TRDN: variants seen among roughly 807,000 people sequenced by gnomAD.
The protein encoded by TRDN is triadin in skeletal muscle.
TRDN carries 161 observed loss-of-function variants against 149.7 expected under a neutral mutation model. The observed-to-expected ratio is 1.08, with a 90% CI of 0.95 to 1.23. The LOEUF is 1.23. Ranked by LOEUF, TRDN falls within the 50% of genes most tolerant of loss-of-function variation. The pLI is 0.00. For synonymous variants in TRDN, 294 were observed against 250.5 expected (o/e 1.17, Z -1.64); for missense variants, 896 against 823.5 (o/e 1.09, Z -1.08).
chr6:123,253,949 AACCAT>A (rs1193966185), intron 37 of TRDN, among the ~76,000 whole-genome samples: 1 of 152,112 alleles, frequency 6.6e-6, no homozygotes, highest in African/African-American at 2.4e-5. Context: ...AGATGGCCTT[AACCAT>A]TATAGTGTTT....
In TRDN at chr6:123,377,778, C is replaced by G. The variant is rs1457307349; in HGVS notation, c.1220-36G>C. 4 of 1,612,038 alleles carry G rather than the reference C, an allele frequency of 2.5e-6. No individual in the cohort carries two copies. In the South Asian group the frequency reaches 4.4e-5, roughly 18 times the overall value. ...AAGGAAAGAAAAAAAAATCAGCATT[C>G]TATGTCATTCAATTGTAATTCAGTA... On this transcript the variant is annotated intron_variant, in intron 17 of 40. Transcript: ENST00000334268.
chr6:123,589,793 G>A (rs1018740585), intron 1 of TRDN, among the ~76,000 whole-genome samples: 3 of 152,112 alleles, frequency 2.0e-5, no homozygotes, highest in Non-Finnish European at 2.9e-5. Flanking sequence ...TAAAGCTTCT[G>A]CTTAAGACTG....
chr6:123,351,342 T>C, intron 21 of TRDN: 4 of 972,034 alleles, frequency 4.1e-6, no homozygotes, highest in Non-Finnish European at 4.9e-6. Context: ...ATTACCTTTA[T>C]TTTTTAAAAA....
intron 12 of TRDN, among the ~76,000 whole-genome samples, chr6:123,396,106 C>T (rs969527363): frequency 6.6e-6 from 1 of 152,116 alleles, no homozygotes; most frequent in Admixed American, 6.6e-5. Flanking sequence ...GGGGAGGAAT[C>T]GACCCTGAGT....
At chr6:123,494,605 A>G (rs1778354630) in intron 9 of TRDN, among the ~76,000 whole-genome samples, 1 of 152,210 alleles carries the variant, frequency 6.6e-6, no homozygotes, top group South Asian at 2.1e-4. Context: ...ATGCTCATCA[A>G]CAACATAGAT....
intron 24 of TRDN, among the ~76,000 whole-genome samples, chr6:123,314,702 A>G (rs913075914): frequency 6.6e-6 from 1 of 152,030 alleles, no homozygotes; most frequent in Non-Finnish European, 1.5e-5. Flanking sequence ...AGTGACACAG[A>G]TGGAACAAGG....
chr6:123,378,224 A>C (rs1781583834), intron 16 of TRDN, among the ~76,000 whole-genome samples: 1 of 152,200 alleles, frequency 6.6e-6, no homozygotes, highest in African/African-American at 2.4e-5. Flanking sequence ...GATCAATATG[A>C]AATAAATTTG....
At chr6:123,415,614 A>G (rs185461897) in intron 12 of TRDN, among the ~76,000 whole-genome samples, 13 of 152,336 alleles carry the variant, frequency 8.5e-5, no homozygotes, top group African/African-American at 2.6e-4. Flanking sequence ...TACTAGCCAA[A>G]TAATCATAAC....
intron 12 of TRDN, among the ~76,000 whole-genome samples, chr6:123,422,250 C>T (rs1376609989): frequency 1.3e-5 from 2 of 152,050 alleles, no homozygotes; most frequent in African/African-American, 2.4e-5. Flanking sequence ...TTCAGTTCTG[C>T]CCACACATCT....
intron 38 of TRDN, among the ~76,000 whole-genome samples, 176 bp downstream of exon 38, chr6:123,252,235 GT>G (rs893164212): frequency 1.4e-4 from 21 of 148,442 alleles, no homozygotes; most frequent in African/African-American, 2.2e-4. Context: ...AAATAACATA[GT>G]TTTTTTTTTA....
intron 35 of TRDN, among the ~76,000 whole-genome samples, chr6:123,258,772 T>G (rs956031744): frequency 3.9e-5 from 6 of 152,126 alleles, no homozygotes; most frequent in Admixed American, 2.6e-4. Flanking sequence ...GTCCTGGGCT[T>G]TTGTTTTGGT....
chr6:123,501,903 T>C (rs1428677779), intron 8 of TRDN: 1 of 981,330 alleles, frequency 1.0e-6, no homozygotes, highest in Non-Finnish European at 1.2e-6. Flanking sequence ...GCCTGGAAAA[T>C]AAACATTATT....
In TRDN at chr6:123,223,688, C is replaced by CCTTCCTTA. The variant is rs1554214194; in HGVS notation, c.2014+404_2014+405insTAAGGAAG. ...CCTTCCATTTCTTCCTTCCTTCCTT[C>CCTTCCTTA]CTTCCTTCCTTCCTTCCTTCCTTCC... On this transcript the variant is annotated intron_variant, in intron 39 of 40. Transcript: ENST00000334268. 9.5e-4 allele frequency among the ~76,000 whole-genome samples: 125 copies of CCTTCCTTA among 131,640 alleles called. 2 individuals are homozygous for CCTTCCTTA. The highest frequency in any genetic ancestry group is 4.1e-3 in the African/African-American group (120 of 29,008). The allele number at this position is 131,640 out of a possible 152,430, so 86.4% of individuals were successfully genotyped here. A position where few individuals can be genotyped will look rare whatever the true frequency, so the allele number is the denominator to read the frequency against.
chr6:123,591,965 T>C (rs1783807528), intron 1 of TRDN, among the ~76,000 whole-genome samples: 1 of 152,204 alleles, frequency 6.6e-6, no homozygotes, highest in African/African-American at 2.4e-5. Context: ...GGGACAAGTA[T>C]TCTTTTCCTC....
chr6:123,257,173 T>C (rs915627573), intron 35 of TRDN, among the ~76,000 whole-genome samples: 1 of 152,004 alleles, frequency 6.6e-6, no homozygotes, highest in East Asian at 1.9e-4. Context: ...AGAGACAGAG[T>C]TTCACCATGT....
chr6:123,275,305 TAAG>T (rs1236914614), intron 26 of TRDN, among the ~76,000 whole-genome samples: 2 of 152,046 alleles, frequency 1.3e-5, no homozygotes, highest in Non-Finnish European at 2.9e-5. Context: ...ATTGTCCTTA[TAAG>T]AAGAGGAAAA....
At chr6:123,292,543 T>G (rs938134554) in intron 24 of TRDN, among the ~76,000 whole-genome samples, 2 of 152,196 alleles carry the variant, frequency 1.3e-5, no homozygotes, top group African/African-American at 4.8e-5. Context: ...TTACTCTTCT[T>G]CAGAGAGGAA....
chr6:123,368,402 T>A (rs1781196839), intron 19 of TRDN, among the ~76,000 whole-genome samples: 1 of 152,196 alleles, frequency 6.6e-6, no homozygotes, highest in Admixed American at 6.5e-5. Flanking sequence ...TAAGAATCAT[T>A]CTTAACCCTG....
At chr6:123,627,952 G>A (rs892891241) in intron 1 of TRDN, among the ~76,000 whole-genome samples, 1 of 152,130 alleles carries the variant, frequency 6.6e-6, no homozygotes, top group Non-Finnish European at 1.5e-5. Flanking sequence ...GAGATTTAGG[G>A]CCTTGGTCTG....
Sources: gnomAD v4.1 joint callset for allele counts (sites outside exome capture counted in the v4.1 genomes callset) on GRCh38, gnomAD v4.1.1 for gene constraint, MANE v1.5 for transcripts, NCBI Gene and HGNC (gene_info 2026-07-23, HGNC 2026-07-21) for gene names.